Variants in RASGRP3 observed in about 807,000 individuals in gnomAD.
RASGRP3 encodes the protein RAS guanyl releasing protein 3.
In RASGRP3, 54 loss-of-function variants were observed where a neutral mutation model predicts 82.7. The observed-to-expected ratio is 0.65, with a 90% CI of 0.52 to 0.82. The LOEUF (loss-of-function observed/expected upper bound fraction) is 0.82. RASGRP3 is among the 40% of genes least tolerant of loss of function. RASGRP3 has a pLI of 0.00. For missense variants in RASGRP3, 861 were observed against 828.9 expected (o/e 1.04, Z -0.48); for synonymous variants, 309 against 300.5 (o/e 1.03, Z -0.29).
chr2:33,520,418 A>C, intron 5 of RASGRP3, 135 bp from the exon 6 acceptor site: 1 of 1,165,892 alleles, frequency 8.6e-7, no homozygotes, highest in Non-Finnish European at 1.2e-6. Flanking sequence ...TGGAGACAGG[A>C]GATGGCTAAT....
In RASGRP3 at chr2:33,539,547, C is replaced by T. The variant is rs543878096; in HGVS notation, c.1278+337C>T. 1.3e-3 allele frequency: 240 copies of T among 178,340 alleles called. 26 individuals are homozygous for T. Among genetic ancestry groups the T allele is most frequent in the Non-Finnish European group, 2.3e-3 (192 of 84,908 alleles). 11.0% of individuals were successfully genotyped at this position (178,340 alleles called of 1,614,324 possible). A position where few individuals can be genotyped will look rare whatever the true frequency, so the allele number is the denominator to read the frequency against. On this transcript the variant is annotated intron_variant, in intron 12 of 17. Transcript: ENST00000403687. ...AACCCACATAGGTCCCACTAAGATG[C>T]CCAATAAATTGATTACCCAAGGGCA...
At chr2:33,516,007 T>G (rs1671427552) in intron 3 of RASGRP3, among the ~76,000 whole-genome samples, 2 of 152,206 alleles carry the variant, frequency 1.3e-5, no homozygotes, top group Non-Finnish European at 2.9e-5. Context: ...AAATTCAAAT[T>G]TAACTGATTG....
At chr2:33,537,451 C>T (rs1255968659) in intron 11 of RASGRP3, among the ~76,000 whole-genome samples, 2 of 151,954 alleles carry the variant, frequency 1.3e-5, no homozygotes, top group African/African-American at 2.4e-5. Context: ...CTCCACCTCC[C>T]TGGCTCAAGC....
At position 33,524,470 on chromosome 2, in the gene RASGRP3, A is replaced by T; in HGVS notation, c.729A>T (p.Ala243=). Residue 243 remains alanine (A), a synonymous_variant, in exon 9 of 18, where the codon GCA becomes GCT. Coordinates refer to ENST00000403687, the MANE Select transcript of RASGRP3 (RefSeq NM_001139488.2). ...LQLKNFNTLM[A]VVGGLSHSSI... is the part of the protein sequence containing the mutation. ...TCAAAAATTTTAACACCCTGATGGC[A>T]GTGGTGGGAGGCCTCAGTCATAGTT... 6.2e-7 allele frequency: 1 copy of T among 1,605,900 alleles called. No homozygotes were observed. Among genetic ancestry groups the T allele is most frequent in the Non-Finnish European group, 8.5e-7 (1 of 1,175,986 alleles).
chr2:33,560,537 G>A (rs1003546396), intron 17 of RASGRP3, among the ~76,000 whole-genome samples: 8 of 152,214 alleles, frequency 5.3e-5, no homozygotes, highest in African/African-American at 1.9e-4. Context: ...AGGAGTCCAT[G>A]CATTAAACAA....
chr2:33,545,811 TTA>T lies in RASGRP3; in HGVS notation c.1394+2185_1394+2186del, dbSNP rs778438338. 2.5e-3 allele frequency among the ~76,000 whole-genome samples: 305 copies of T among 123,102 alleles called. 1 individual carries two copies. Among genetic ancestry groups the T allele is most frequent in the Non-Finnish European group, 4.6e-3 (264 of 57,840 alleles). The allele number at this position is 123,102 out of a possible 152,430, so 80.8% of individuals were successfully genotyped here. ...AGAATGGCTATTATTATTATTATTA[TTA>T]CTTTTCTTTGAGACAGAGTCTCGTT... is the stretch of plus-strand genomic sequence containing the variant. On this transcript the variant is annotated intron_variant, in intron 13 of 17. Transcript: ENST00000403687.
intron 1 of RASGRP3, among the ~76,000 whole-genome samples, chr2:33,476,913 C>T (rs1369775973): frequency 1.6e-5 from 2 of 122,612 alleles, no homozygotes; most frequent in Admixed American, 7.9e-5. Flanking sequence ...TTTTTTAGAA[C>T]CTGTTATTTT....
chr2:33,499,555 T>C (rs1669660457), intron 1 of RASGRP3, among the ~76,000 whole-genome samples: 1 of 152,038 alleles, frequency 6.6e-6, no homozygotes, highest in Non-Finnish European at 1.5e-5. Flanking sequence ...GAGACCCGCA[T>C]CTCAAAACAA....
chr2:33,500,553 G>C (rs1669768556), intron 1 of RASGRP3, among the ~76,000 whole-genome samples: 1 of 152,084 alleles, frequency 6.6e-6, no homozygotes, highest in Non-Finnish European at 1.5e-5. Flanking sequence ...GGAAATCTAG[G>C]GTGAGTCCCA....
At chr2:33,438,519 G>A (rs1347479410) in intron 1 of RASGRP3, among the ~76,000 whole-genome samples, 1 of 149,108 alleles carries the variant, frequency 6.7e-6, no homozygotes, top group Non-Finnish European at 1.5e-5. Context: ...CCGGGATCGC[G>A]CCACTGCCCT....
At chr2:33,448,580 T>C (rs1050381128) in intron 2 of RASGRP3, among the ~76,000 whole-genome samples, 6 of 152,190 alleles carry the variant, frequency 3.9e-5, no homozygotes, top group Non-Finnish European at 8.8e-5. Flanking sequence ...ACAAATATTA[T>C]ATGATTCCAC....
intron 1 of RASGRP3, among the ~76,000 whole-genome samples, chr2:33,439,998 G>T (rs1432571736): frequency 6.6e-6 from 1 of 152,098 alleles, no homozygotes; most frequent in Non-Finnish European, 1.5e-5. Flanking sequence ...CAAACTAATT[G>T]GGTATGGTTA....
intron 2 of RASGRP3, among the ~76,000 whole-genome samples, chr2:33,459,499 T>C (rs1359824119): frequency 1.3e-5 from 2 of 152,146 alleles, no homozygotes; most frequent in African/African-American, 2.4e-5. Flanking sequence ...ACTGGAAATA[T>C]AGAGCATTAA....
intron 2 of RASGRP3, among the ~76,000 whole-genome samples, chr2:33,470,659 G>A (rs1158292807): frequency 6.6e-6 from 1 of 152,106 alleles, no homozygotes; most frequent in African/African-American, 2.4e-5. Context: ...GATTATGGGT[G>A]TGAGCCACCA....
At chr2:33,540,524 T>G (rs1482504800) in intron 12 of RASGRP3, among the ~76,000 whole-genome samples, 1 of 109,030 alleles carries the variant, frequency 9.2e-6, no homozygotes, top group African/African-American at 3.4e-5. Flanking sequence ...ATGCGGAATT[T>G]CTCTCTCTCT....
intron 2 of RASGRP3, among the ~76,000 whole-genome samples, chr2:33,460,510 G>A (rs1434756797): frequency 6.7e-6 from 1 of 150,372 alleles, no homozygotes; most frequent in Admixed American, 6.6e-5. Flanking sequence ...TTGTTTTTTA[G>A]ATATAATTTT....
chr2:33,525,726 A>AAAC lies in RASGRP3; in HGVS notation c.807+1179_807+1180insACA, dbSNP rs1553354884. 1.6e-4 allele frequency among the ~76,000 whole-genome samples: 21 copies of AAAC among 134,572 alleles called. 3 individuals are homozygous for AAAC. The East Asian group carries it at 2.6e-3, about 17-fold the overall frequency. The allele number at this position is 134,572 out of a possible 152,430, so 88.3% of individuals were successfully genotyped here. ...AAAAAAAAAAAAAAAAAAAAAAAAA[A>AAAC]ACTAGCCAGGTGTGGCAGTGTGTGC... On this transcript the variant is annotated intron_variant, in intron 9 of 17. Transcript: ENST00000403687.
intron 7 of RASGRP3, among the ~76,000 whole-genome samples, chr2:33,522,348 A>G (rs1024095116): frequency 6.6e-6 from 1 of 152,130 alleles, no homozygotes; most frequent in Admixed American, 6.5e-5. Context: ...TTAAAGCGTG[A>G]TTTTTCTAAA....
At chr2:33,487,312 C>T (rs1668482031) in intron 1 of RASGRP3, among the ~76,000 whole-genome samples, 1 of 151,890 alleles carries the variant, frequency 6.6e-6, no homozygotes, top group African/African-American at 2.4e-5. Flanking sequence ...GACGACAGAT[C>T]AGAGAAAGAA....
Sources: allele counts gnomAD v4.1 joint callset (sites outside exome capture counted in the v4.1 genomes callset), GRCh38; gene constraint gnomAD v4.1.1; transcripts MANE v1.5; gene names NCBI Gene and HGNC (gene_info 2026-07-23, HGNC 2026-07-21).